The following TAFA1 variants were observed in gnomAD, a reference collection of about 807,000 sequenced individuals.
TAFA1 encodes the protein TAFA chemokine like family member 1, also known as chemokine-like protein TAFA-1.
A neutral mutation model predicts 18.5 loss-of-function variants in TAFA1; 4 were observed. The observed-to-expected ratio is 0.22, with a 90% CI of 0.11 to 0.49. TAFA1 has a LOEUF of 0.49. TAFA1 is among the 20% of genes least tolerant of loss of function. TAFA1 has a pLI of 0.98. For missense variants in TAFA1, 147 were observed against 169.0 expected, an observed-to-expected ratio of 0.87 and a Z score of 0.72; for synonymous variants, 56 against 55.2, an observed-to-expected ratio of 1.01 and a Z score of -0.06.
rs561298946 is a variant in TAFA1 at position 68,115,562 on chromosome 3, G to C, written c.118+108818G>C. ...ACAGTCATTTAATGGAACAGGTTGA[G>C]GTTTTGATGTGATTTTGAGTAGCAA... is the stretch of plus-strand genomic sequence containing the variant. On this transcript the variant is annotated intron_variant, in intron 2 of 4. Coordinates refer to ENST00000478136, the MANE Select transcript of TAFA1 (RefSeq NM_213609.4). Among the ~76,000 whole-genome samples, 22 of 152,298 alleles carry C rather than the reference G, an allele frequency of 1.4e-4. 1 individual carries two copies. The highest frequency in any genetic ancestry group is 4.6e-4 in the African/African-American group (19 of 41,572).
intron 2 of TAFA1, among the ~76,000 whole-genome samples, chr3:68,392,327 C>T (rs895921072): frequency 3.3e-5 from 5 of 152,004 alleles, no homozygotes; most frequent in Admixed American, 2.0e-4. Flanking sequence ...TAAATAAATA[C>T]GCATCCAATA....
intron 2 of TAFA1, among the ~76,000 whole-genome samples, chr3:68,337,367 G>C (rs1042181646): frequency 6.6e-6 from 1 of 151,998 alleles, no homozygotes; most frequent in South Asian, 2.1e-4. Flanking sequence ...TTACTGTCAC[G>C]AGTAGAACAA....
At position 68,264,755 on chromosome 3, in the gene TAFA1, A is replaced by T. The variant is rs190830207; in HGVS notation, c.119-152525A>T. The stretch of plus-strand genomic sequence containing the variant: ...TATATTCTATATAATTTCTATAAAG[A>T]AATTATAAAGACAGACCAAACTTTT... On this transcript the variant is annotated intron_variant, in intron 2 of 4. Transcript: ENST00000478136. Among the ~76,000 whole-genome samples the T allele has an allele frequency of 3.6e-3, 546 of 152,070 alleles. 6 individuals are homozygous for T. The highest frequency in any genetic ancestry group is 2.9e-3 in the Non-Finnish European group (197 of 67,976).
chr3:68,264,548 G>A (rs1046072365), intron 2 of TAFA1, among the ~76,000 whole-genome samples: 3 of 152,082 alleles, frequency 2.0e-5, no homozygotes, highest in Admixed American at 6.6e-5. Flanking sequence ...GGTAGTGACC[G>A]CAAGAACACA....
intron 3 of TAFA1, among the ~76,000 whole-genome samples, chr3:68,460,878 T>A (rs2071763752): frequency 6.6e-6 from 1 of 152,182 alleles, no homozygotes; most frequent in Non-Finnish European, 1.5e-5. Context: ...CTTCAAATTT[T>A]AAAAAATATA....
At chr3:68,494,860 A>T (rs1034627232) in intron 3 of TAFA1, among the ~76,000 whole-genome samples, 1 of 152,216 alleles carries the variant, frequency 6.6e-6, no homozygotes, top group East Asian at 1.9e-4. Flanking sequence ...GGCACAAATA[A>T]TGTGCTTTAA....
At chr3:68,224,197 G>A (rs966238165) in intron 2 of TAFA1, among the ~76,000 whole-genome samples, 1 of 151,970 alleles carries the variant, frequency 6.6e-6, no homozygotes, top group Non-Finnish European at 1.5e-5. Context: ...AAAGGTAAAT[G>A]TAGGCAAATT....
At chr3:68,083,123 G>A (rs2064925731) in intron 2 of TAFA1, among the ~76,000 whole-genome samples, 1 of 152,126 alleles carries the variant, frequency 6.6e-6, no homozygotes, top group African/African-American at 2.4e-5. Context: ...AGCCCGAAAG[G>A]AAAAATGTGA....
At chr3:68,121,241 G>GTTA (rs72584290) in intron 2 of TAFA1, among the ~76,000 whole-genome samples, 8 of 119,352 alleles carry the variant, frequency 6.7e-5, no homozygotes, top group Admixed American at 5.6e-4. Context: ...CTTCTCAAAT[G>GTTA]TACATTAATG....
chr3:68,091,702 A>G (rs904857373), intron 2 of TAFA1, among the ~76,000 whole-genome samples: 2 of 152,174 alleles, frequency 1.3e-5, no homozygotes, highest in Admixed American at 1.3e-4. Context: ...CAGCCCTGAG[A>G]GGCAGGAGCC....
chr3:68,029,396 C>G (rs1422676789), intron 2 of TAFA1, among the ~76,000 whole-genome samples: 1 of 152,120 alleles, frequency 6.6e-6, no homozygotes, highest in African/African-American at 2.4e-5. Flanking sequence ...CTTGAAAATA[C>G]TTGATCTGCT....
At chr3:68,463,350 G>T (rs905240334) in intron 3 of TAFA1, among the ~76,000 whole-genome samples, 3 of 151,142 alleles carry the variant, frequency 2.0e-5, no homozygotes, top group Admixed American at 1.3e-4. Context: ...AAAAACCACT[G>T]TTTCATTTCA....
intron 2 of TAFA1, among the ~76,000 whole-genome samples, chr3:68,260,492 G>T (rs1044986163): frequency 6.6e-6 from 1 of 152,046 alleles, no homozygotes; most frequent in African/African-American, 2.4e-5. Context: ...TCTATTGATT[G>T]GAATAGTTTC....
At chr3:68,353,203 T>C (rs2069301223) in intron 2 of TAFA1, among the ~76,000 whole-genome samples, 1 of 152,086 alleles carries the variant, frequency 6.6e-6, no homozygotes. Flanking sequence ...CCACCAGCTT[T>C]GTGTAACTGA....
chr3:68,264,130 C>T (rs897348481), intron 2 of TAFA1, among the ~76,000 whole-genome samples: 9 of 151,952 alleles, frequency 5.9e-5, no homozygotes, highest in Non-Finnish European at 8.8e-5. Flanking sequence ...ATTAGCCGGG[C>T]ATGGTGGTAG....
At chr3:68,391,127 G>C (rs1310843736) in intron 2 of TAFA1, among the ~76,000 whole-genome samples, 1 of 152,130 alleles carries the variant, frequency 6.6e-6, no homozygotes, top group Non-Finnish European at 1.5e-5. Context: ...AAGGTTACAG[G>C]AACTGCTAAC....
chr3:68,467,495 G>A (rs2071910853), intron 3 of TAFA1, among the ~76,000 whole-genome samples: 1 of 152,170 alleles, frequency 6.6e-6, no homozygotes, highest in African/African-American at 2.4e-5. Flanking sequence ...AAGGTGGTAA[G>A]GAAGATTTTA....
At chr3:68,439,061 A>G (rs903412168) in intron 3 of TAFA1, among the ~76,000 whole-genome samples, 7 of 152,150 alleles carry the variant, frequency 4.6e-5, no homozygotes, top group Non-Finnish European at 8.8e-5. Context: ...CTTATGGAAT[A>G]ATACTTGGCT....
At chr3:68,099,801 G>T (rs1575615759) in intron 2 of TAFA1, among the ~76,000 whole-genome samples, 1 of 152,116 alleles carries the variant, frequency 6.6e-6, no homozygotes, top group East Asian at 1.9e-4. Flanking sequence ...ACACACCATG[G>T]AATACTACAC....
Sources: allele counts gnomAD v4.1 joint callset (sites outside exome capture counted in the v4.1 genomes callset), GRCh38; gene constraint gnomAD v4.1.1; transcripts MANE v1.5; gene names NCBI Gene and HGNC (gene_info 2026-07-23, HGNC 2026-07-21).